Variants in SH3GL2 observed in about 807,000 individuals in gnomAD.
The protein encoded by SH3GL2 is SH3 domain containing GRB2 like 2, endophilin A1, also known as endophilin-A1.
SH3GL2 carries 24 observed loss-of-function variants against 46.0 expected under a neutral mutation model. That is an observed-to-expected ratio of 0.52 (90% CI 0.38 to 0.73). The LOEUF (loss-of-function observed/expected upper bound fraction) is 0.73. Ranked by LOEUF, SH3GL2 falls within the 30% of genes least tolerant of loss-of-function variation. The pLI is 0.00. For synonymous variants in SH3GL2, 196 were observed against 147.1 expected (o/e 1.33, Z -2.40); for missense variants, 413 against 424.2 (o/e 0.97, Z 0.23).
intron 1 of SH3GL2, among the ~76,000 whole-genome samples, chr9:17,670,714 T>C (rs1179882183): frequency 6.6e-6 from 1 of 152,244 alleles, no homozygotes; most frequent in African/African-American, 2.4e-5. Context: ...TGCTTGCACC[T>C]TTTCTGAATT....
At chr9:17,637,821 C>T (rs773833868) in intron 1 of SH3GL2, among the ~76,000 whole-genome samples, 1 of 152,178 alleles carries the variant, frequency 6.6e-6, no homozygotes, top group Non-Finnish European at 1.5e-5. Flanking sequence ...CAGTCAGACA[C>T]TTAATATCTA....
At chr9:17,715,716 G>A (rs988359580) in intron 1 of SH3GL2, among the ~76,000 whole-genome samples, 3 of 151,564 alleles carry the variant, frequency 2.0e-5, no homozygotes, top group African/African-American at 7.2e-5. Context: ...AATGGGCATC[G>A]CATTATGTCC....
At position 17,665,979 on chromosome 9, in the gene SH3GL2, T is replaced by C. The variant is rs372196352; in HGVS notation, c.46-81087T>C. On this transcript the variant is annotated intron_variant, in intron 1 of 8. Transcript: ENST00000380607. Reference sequence around the variant, plus strand: ...ACAGGGTTCATTGCAGTAGTCCTCCTTTCCATATTTGTAACTCCACCGCCT... The same window carrying C: ...ACAGGGTTCATTGCAGTAGTCCTCCCTTCCATATTTGTAACTCCACCGCCT... Among the ~76,000 whole-genome samples the C allele has an allele frequency of 9.3e-5, 14 of 151,084 alleles. No homozygotes were observed. In the East Asian group the frequency reaches 1.7e-3, roughly 19 times the overall value.
intron 1 of SH3GL2, among the ~76,000 whole-genome samples, chr9:17,584,543 A>T (rs1818336804): frequency 6.6e-6 from 1 of 152,180 alleles, no homozygotes; most frequent in Admixed American, 6.5e-5. Context: ...ATCAGGAGAA[A>T]GTGGATGTTT....
intron 1 of SH3GL2, among the ~76,000 whole-genome samples, chr9:17,734,493 A>G (rs72614248): frequency 0.07 from 10,579 of 152,196 alleles, 473 homozygotes; most frequent in Admixed American, 0.13. Flanking sequence ...TCCATATATT[A>G]GAAAAGTTAA....
intron 1 of SH3GL2, among the ~76,000 whole-genome samples, chr9:17,668,240 T>C (rs912300346): frequency 1.3e-5 from 2 of 152,210 alleles, no homozygotes; most frequent in African/African-American, 4.8e-5. Context: ...TTTAAGAGCT[T>C]TATAGTTTTA....
In SH3GL2 at chr9:17,796,672, C is replaced by A. The variant is rs756321964; in HGVS notation, c.*929C>A. 6.0e-4 allele frequency: 91 copies of A among 152,780 alleles called. 1 individual carries two copies. The highest frequency in any genetic ancestry group is 9.8e-4 in the Admixed American group (15 of 15,298). 9.5% of individuals were successfully genotyped at this position (152,780 alleles called of 1,614,324 possible). On this transcript the variant is annotated 3_prime_UTR_variant, in exon 9 of 9. Transcript: ENST00000380607. ...AACCATCTTTCCACTAGTTCATATA[C>A]TGAGAAACAGTAAATACCTTTCCTT...
intron 1 of SH3GL2, among the ~76,000 whole-genome samples, chr9:17,655,497 T>A (rs141185809): frequency 3.0e-4 from 45 of 152,306 alleles, no homozygotes; most frequent in African/African-American, 1.0e-3. Flanking sequence ...ATGGATTGAT[T>A]TATGCACCTA....
At chr9:17,680,554 A>G (rs148658510) in intron 1 of SH3GL2, among the ~76,000 whole-genome samples, 2,725 of 151,670 alleles carry the variant, frequency 0.018, 93 homozygotes, top group African/African-American at 0.056. Flanking sequence ...TGGTCTATCA[A>G]TTTTGTTGAT....
intron 3 of SH3GL2, among the ~76,000 whole-genome samples, chr9:17,779,994 A>G (rs1385463886): frequency 6.6e-6 from 1 of 152,202 alleles, no homozygotes; most frequent in Non-Finnish European, 1.5e-5. Flanking sequence ...TTGGCTGCAC[A>G]TTAGAATCGC....
At chr9:17,608,875 C>T (rs1393353147) in intron 1 of SH3GL2, among the ~76,000 whole-genome samples, 1 of 152,194 alleles carries the variant, frequency 6.6e-6, no homozygotes, top group African/African-American at 2.4e-5. Flanking sequence ...ACAGAAAATT[C>T]AGTGCAGGTG....
rs1251854075 is a variant in SH3GL2, at chr9:17,738,573, T to TAGAG, written c.46-8492_46-8491insGAGA. On this transcript the variant is annotated intron_variant, in intron 1 of 8. Coordinates refer to ENST00000380607, the MANE Select transcript of SH3GL2 (RefSeq NM_003026.5). ...GTGTGTGTATATACATACATATATA[T>TAGAG]ATAGAGAGAGAGAGAGAGAGAATTT... 3.7e-3 allele frequency among the ~76,000 whole-genome samples: 176 copies of TAGAG among 47,412 alleles called. 3 individuals carry two copies. In the East Asian group the frequency reaches 0.088, roughly 24 times the overall value. 31.1% of individuals were successfully genotyped at this position (47,412 alleles called of 152,430 possible). A position where few individuals can be genotyped will look rare whatever the true frequency, so the allele number is the denominator to read the frequency against.
At chr9:17,685,187 T>A (rs1222251019) in intron 1 of SH3GL2, among the ~76,000 whole-genome samples, 1 of 152,058 alleles carries the variant, frequency 6.6e-6, no homozygotes. Flanking sequence ...TCAAGAGATT[T>A]ATTTCAAGGA....
chr9:17,716,258 A>G (rs1473127890), intron 1 of SH3GL2, among the ~76,000 whole-genome samples: 3 of 152,002 alleles, frequency 2.0e-5, no homozygotes, highest in Non-Finnish European at 2.9e-5. Flanking sequence ...CTTTAGTTGT[A>G]CGATATTGTG....
chr9:17,585,515 C>T (rs1818358199), intron 1 of SH3GL2, among the ~76,000 whole-genome samples: 1 of 152,150 alleles, frequency 6.6e-6, no homozygotes, highest in African/African-American at 2.4e-5. Flanking sequence ...GTTTATTATA[C>T]TCACATGTCT....
intron 2 of SH3GL2, among the ~76,000 whole-genome samples, chr9:17,754,088 A>G (rs1822922448): frequency 6.6e-6 from 1 of 152,118 alleles, no homozygotes; most frequent in Non-Finnish European, 1.5e-5. Context: ...GTAGCCCTGT[A>G]GTATAGTTTG....
intron 1 of SH3GL2, among the ~76,000 whole-genome samples, chr9:17,706,640 G>C: frequency 6.6e-6 from 1 of 151,842 alleles, no homozygotes; most frequent in Non-Finnish European, 1.5e-5. Flanking sequence ...CTTTGTTCTA[G>C]TTTCTTTTAT....
chr9:17,613,830 A>G (rs905016619), intron 1 of SH3GL2, among the ~76,000 whole-genome samples: 3 of 152,200 alleles, frequency 2.0e-5, no homozygotes, highest in African/African-American at 7.2e-5. Flanking sequence ...TGGTTTTGGC[A>G]ACACAAAAAG....
At chr9:17,733,990 A>C (rs1289730513) in intron 1 of SH3GL2, among the ~76,000 whole-genome samples, 2 of 152,038 alleles carry the variant, frequency 1.3e-5, no homozygotes, top group Non-Finnish European at 2.9e-5. Context: ...CAGTGTACTA[A>C]AGAACTCTGG....
Sources: allele counts gnomAD v4.1 joint callset (sites outside exome capture counted in the v4.1 genomes callset), GRCh38; gene constraint gnomAD v4.1.1; transcripts MANE v1.5; gene names NCBI Gene and HGNC (gene_info 2026-07-23, HGNC 2026-07-21).